Variants in TRIM71 observed in about 807,000 individuals in gnomAD.
TRIM71 encodes tripartite motif containing 71.
In TRIM71, 9 loss-of-function variants were observed where a neutral mutation model predicts 61.2. That is an observed-to-expected ratio of 0.15 (90% CI 0.09 to 0.26). The LOEUF (loss-of-function observed/expected upper bound fraction) is 0.26. Ranked by LOEUF, TRIM71 falls within the 10% of genes least tolerant of loss-of-function variation. The pLI is 1.00. For synonymous variants in TRIM71, 645 were observed against 553.2 expected, an observed-to-expected ratio of 1.17 and a Z score of -2.33; for missense variants, 998 against 1,238.7, an observed-to-expected ratio of 0.81 and a Z score of 2.92.
rs547599941 is a variant in TRIM71 at position 32,881,812 on chromosome 3, T to C, written c.1021-4122T>C. Among the ~76,000 whole-genome samples the C allele has an allele frequency of 2.2e-4, 34 of 152,360 alleles. 1 individual carries two copies. In the South Asian group the frequency reaches 6.6e-3, roughly 30 times the overall value. The stretch of plus-strand genomic sequence containing the variant: ...TGGGAACTAGTTCAATAAGTCCTGG[T>C]CTGCACATCTTGGAATGCCATGCTT... On this transcript the variant is annotated intron_variant, in intron 2 of 3. Transcript: ENST00000383763.
rs1376769420 is a variant in TRIM71 at position 32,897,121 on chromosome 3, A to G, written c.*5310A>G. 1 of 151,842 alleles carries G rather than the reference A, an allele frequency of 6.6e-6. No homozygotes were observed. The highest frequency in any genetic ancestry group is 1.5e-5 in the Non-Finnish European group (1 of 68,014). The allele number at this position is 151,842 out of a possible 1,614,324, so 9.4% of individuals were successfully genotyped here. ...TGAATCTTGCTTAATACTGTCCATT[A>G]GCTCTCATGCCGGGTCAGCAAAATG... On this transcript the variant is annotated 3_prime_UTR_variant, in exon 4 of 4. Transcript: ENST00000383763.
At chr3:32,865,815 CTTTTTTTTTTTTTTTT>C (rs139123002) in intron 1 of TRIM71, among the ~76,000 whole-genome samples, 1 of 16,298 alleles carries the variant, frequency 6.1e-5, no homozygotes, top group African/African-American at 2.0e-4. Context: ...CCCGCCCCAC[CTTTTTTTTTTTTTTTT>C]TTTTTTTTTT....
rs370439127 is a variant in TRIM71 at position 32,873,862 on chromosome 3, T to C, written c.897T>C (p.Arg299=). The C allele has an allele frequency of 4.3e-5, 69 of 1,613,286 alleles. No individual in the cohort carries two copies. The highest frequency in any genetic ancestry group is 5.6e-5 in the Non-Finnish European group (66 of 1,179,594). The change falls in exon 2 of 4, where the codon CGT becomes CGC. Residue 299 remains arginine, a synonymous_variant. Coordinates refer to ENST00000383763, the MANE Select transcript of TRIM71 (RefSeq NM_001039111.3). ...ACACTTGCTCTGTACCCATCTGTCG[T>C]GAGTGCACAATGGGCCGGCATGGGG... ...YCDTCSVPIC[R]ECTMGRHGGH...
At chr3:32,861,689 G>A (rs1696670779) in intron 1 of TRIM71, among the ~76,000 whole-genome samples, 1 of 152,156 alleles carries the variant, frequency 6.6e-6, no homozygotes, top group Non-Finnish European at 1.5e-5. Flanking sequence ...GTCAAGAAAG[G>A]CTCTTGTAAT....
rs1575363745 is a variant in TRIM71, at chr3:32,895,362, T to TTGTGA, written c.*3554_*3558dup. On this transcript the variant is annotated 3_prime_UTR_variant, in exon 4 of 4. Transcript: ENST00000383763. ...AAAATGTTGCCAGAACTGAGGCACT[T>TTGTGA]TGTGATGGAGTTGCAAGAGATAGCT... is the stretch of plus-strand genomic sequence containing the variant. 2 of 152,342 alleles carry TTGTGA rather than the reference T, an allele frequency of 1.3e-5. No homozygotes were observed. Among genetic ancestry groups the TTGTGA allele is most frequent in the East Asian group, 3.9e-4 (2 of 5,188 alleles). The allele number at this position is 152,342 out of a possible 1,614,324, so 9.4% of individuals were successfully genotyped here.
At chr3:32,830,468 T>C (rs1696256997) in intron 1 of TRIM71, among the ~76,000 whole-genome samples, 1 of 152,150 alleles carries the variant, frequency 6.6e-6, no homozygotes, top group Non-Finnish European at 1.5e-5. Context: ...CATCTCACAG[T>C]ATCAGGGTGA....
In TRIM71 at chr3:32,873,847, T is replaced by A. The variant is rs1330495176; in HGVS notation, c.882T>A (p.Ser294=). 6.2e-7 allele frequency: 1 copy of A among 1,611,484 alleles called. No individual in the cohort carries two copies. The highest frequency in any genetic ancestry group is 8.5e-7 in the Non-Finnish European group (1 of 1,178,468). Residue 294 remains serine (S), a synonymous_variant, in exon 2 of 4, where the codon TCT becomes TCA. Transcript: ENST00000383763. The part of the protein sequence containing the change: ...EVLHLYCDTC[S]VPICRECTMG... ...TGCACCTGTACTGTGACACTTGCTC[T>A]GTACCCATCTGTCGTGAGTGCACAA...
At chr3:32,877,368 T>C (rs1312810659) in intron 2 of TRIM71, among the ~76,000 whole-genome samples, 1 of 151,914 alleles carries the variant, frequency 6.6e-6, no homozygotes, top group Non-Finnish European at 1.5e-5. Context: ...CTTTTCAAAG[T>C]GTTGGGATAT....
At chr3:32,858,529 A>T (rs561357244) in intron 1 of TRIM71, among the ~76,000 whole-genome samples, 1 of 152,280 alleles carries the variant, frequency 6.6e-6, no homozygotes, top group Non-Finnish European at 1.5e-5. Context: ...TCTAAAACAG[A>T]TGGAGTTGGA....
rs570425653 is a variant in TRIM71 at position 32,890,624 on chromosome 3, T to G, written c.1420T>G (p.Ser474Ala). 1 of 1,613,910 alleles carries G rather than the reference T, an allele frequency of 6.2e-7. No individual in the cohort carries two copies. Among genetic ancestry groups the G allele is most frequent in the Non-Finnish European group, 8.5e-7 (1 of 1,180,022 alleles). ...PDQALYLAIK[S>A]FGFVSSGAFA... ...TCAGGCACTGTACCTTGCCATCAAG[T>G]CTTTTGGCTTTGTTAGCAGCGGGGC... Residue 474 changes from serine (S) to alanine (A), a missense_variant, in exon 4 of 4, where the codon TCT (serine) becomes GCT (alanine). Coordinates refer to ENST00000383763, the MANE Select transcript of TRIM71 (RefSeq NM_001039111.3). This position sits in a 1 kb window ranked among gnomAD's most constrained non-coding sequence, Gnocchi z 6.2.
chr3:32,875,860 A>G (rs1002190013), intron 2 of TRIM71, among the ~76,000 whole-genome samples: 2 of 152,150 alleles, frequency 1.3e-5, no homozygotes, highest in South Asian at 2.1e-4. Context: ...TGAAAGTGCT[A>G]AAGAATTGAG....
intron 2 of TRIM71, among the ~76,000 whole-genome samples, chr3:32,885,295 C>T (rs537605384): frequency 7.2e-5 from 11 of 152,014 alleles, no homozygotes; most frequent in Middle Eastern, 3.4e-3. Flanking sequence ...AACAATAATA[C>T]GTCTGATTAA....
At chr3:32,867,771 A>G (rs1022797555) in intron 1 of TRIM71, among the ~76,000 whole-genome samples, 3 of 152,234 alleles carry the variant, frequency 2.0e-5, no homozygotes, top group East Asian at 1.9e-4. Flanking sequence ...CAAAAATACT[A>G]TAATAACTAT....
chr3:32,861,895 G>A (rs967420328), intron 1 of TRIM71, among the ~76,000 whole-genome samples: 1 of 152,036 alleles, frequency 6.6e-6, no homozygotes, highest in Non-Finnish European at 1.5e-5. Flanking sequence ...CCTGAGCCTC[G>A]GCAATCCCAG....
At chr3:32,878,472 G>A (rs773463581) in intron 2 of TRIM71, among the ~76,000 whole-genome samples, 1 of 152,172 alleles carries the variant, frequency 6.6e-6, no homozygotes, top group African/African-American at 2.4e-5. Context: ...AAAATTAGCC[G>A]GTCATGGTGG....
Position 32,818,257 on chromosome 3 carries a change from G to T in TRIM71, c.177G>T (p.Leu59=). The change falls in exon 1 of 4, where the codon CTG becomes CTT. Residue 59 remains leucine, a synonymous_variant. Coordinates refer to ENST00000383763, the MANE Select transcript of TRIM71 (RefSeq NM_001039111.3). ...CGGCGGCGCGCCGCCTACACGTCCTGCCCTGCCTGCACGCCTTCTGCCGCC... is the reference window on the plus strand; with the variant it reads ...CGGCGGCGCGCCGCCTACACGTCCTTCCCTGCCTGCACGCCTTCTGCCGCC... The part of the protein sequence containing the change: ...PGAAARRLHV[L]PCLHAFCRPC... 6.9e-7 allele frequency: 1 copy of T among 1,453,356 alleles called. No individual in the cohort carries two copies. Among genetic ancestry groups the T allele is most frequent in the Admixed American group, 2.9e-5 (1 of 34,442 alleles). 90.0% of individuals were successfully genotyped at this position (1,453,356 alleles called of 1,614,324 possible).
At chr3:32,819,787 C>T (rs535155512) in intron 1 of TRIM71, among the ~76,000 whole-genome samples, 3 of 152,328 alleles carry the variant, frequency 2.0e-5, no homozygotes, top group African/African-American at 7.2e-5. Context: ...GAACCGGTTT[C>T]CCTGGTTAGG....
chr3:32,837,082 T>A (rs1446786493), intron 1 of TRIM71, among the ~76,000 whole-genome samples: 1 of 143,716 alleles, frequency 7.0e-6, no homozygotes, highest in Non-Finnish European at 1.6e-5. Context: ...CAGGCAAACT[T>A]GAAGTAGATT....
chr3:32,876,225 C>T (rs1407755264), intron 2 of TRIM71, among the ~76,000 whole-genome samples: 3 of 152,094 alleles, frequency 2.0e-5, no homozygotes, highest in Admixed American at 2.0e-4. Flanking sequence ...AAATAAATGC[C>T]TTACCCTGCT....
Sources: gnomAD v4.1 joint callset for allele counts (sites outside exome capture counted in the v4.1 genomes callset) on GRCh38, gnomAD v4.1.1 for gene constraint, Gnocchi (gnomAD v3.1) non-coding constraint, MANE v1.5 for transcripts, NCBI Gene and HGNC (gene_info 2026-07-23, HGNC 2026-07-21) for gene names.